The following FHIT variants were observed in gnomAD, a reference collection of about 807,000 sequenced individuals.
FHIT encodes bis(5'-adenosyl)-triphosphatase.
A neutral mutation model predicts 17.9 loss-of-function variants in FHIT; 19 were observed. That is an observed-to-expected ratio of 1.06 (90% CI 0.74 to 1.56). FHIT has a LOEUF of 1.56. Ranked by LOEUF, FHIT falls within the 40% of genes most tolerant of loss-of-function variation. The pLI is 0.00. For missense variants in FHIT, 248 were observed against 189.2 expected, an observed-to-expected ratio of 1.31 and a Z score of -1.82; for synonymous variants, 81 against 69.7, an observed-to-expected ratio of 1.16 and a Z score of -0.81.
At chr3:60,524,288 G>A (rs1214327582) in intron 5 of FHIT, among the ~76,000 whole-genome samples, 1 of 150,968 alleles carries the variant, frequency 6.6e-6, no homozygotes, top group East Asian at 1.9e-4. Context: ...ACACTACAAA[G>A]GAACGTCATG....
chr3:60,561,229 G>T (rs1319981030), intron 4 of FHIT, among the ~76,000 whole-genome samples: 1 of 151,984 alleles, frequency 6.6e-6, no homozygotes, highest in South Asian at 2.1e-4. Flanking sequence ...AGACGCTAAG[G>T]TAGGACTGAA....
At chr3:60,084,065 CTTTT>C (rs1049215467) in intron 5 of FHIT, among the ~76,000 whole-genome samples, 2 of 152,048 alleles carry the variant, frequency 1.3e-5, no homozygotes, top group African/African-American at 2.4e-5. Context: ...AGCAATATCA[CTTTT>C]TTTAACAAAA....
At chr3:60,906,748 T>C (rs1706447548) in intron 3 of FHIT, among the ~76,000 whole-genome samples, 1 of 152,226 alleles carries the variant, frequency 6.6e-6, no homozygotes, top group South Asian at 2.1e-4. Flanking sequence ...TGGAACTTCA[T>C]TGAGCTGTGT....
chr3:60,099,529 G>A (rs1003159220), intron 5 of FHIT, among the ~76,000 whole-genome samples: 3 of 152,060 alleles, frequency 2.0e-5, no homozygotes, highest in Non-Finnish European at 4.4e-5. Context: ...TGCCTCTAAT[G>A]GTCCTTCTAA....
At chr3:60,135,523 T>C (rs1335012738) in intron 5 of FHIT, among the ~76,000 whole-genome samples, 2 of 152,174 alleles carry the variant, frequency 1.3e-5, no homozygotes, top group East Asian at 3.9e-4. Context: ...TCCAGGCTTC[T>C]TTCCTCATCA....
intron 4 of FHIT, among the ~76,000 whole-genome samples, chr3:60,707,555 G>A (rs782521029): frequency 9.2e-5 from 14 of 152,148 alleles, no homozygotes; most frequent in Non-Finnish European, 1.8e-4. Flanking sequence ...GATGTCAGAT[G>A]TCAGTAATCA....
chr3:60,119,443 T>C (rs917494306), intron 5 of FHIT, among the ~76,000 whole-genome samples: 4 of 152,198 alleles, frequency 2.6e-5, no homozygotes, highest in Non-Finnish European at 5.9e-5. Context: ...ATCTTGTAAT[T>C]GATATGTTTA....
chr3:60,131,752 T>A (rs770997440), intron 5 of FHIT, among the ~76,000 whole-genome samples: 3 of 152,120 alleles, frequency 2.0e-5, no homozygotes, highest in Non-Finnish European at 2.9e-5. Context: ...CTTCCCCTAC[T>A]GCTGAGACAG....
intron 3 of FHIT, among the ~76,000 whole-genome samples, chr3:61,039,321 C>T (rs575507990): frequency 3.9e-5 from 6 of 152,276 alleles, no homozygotes; most frequent in African/African-American, 1.2e-4. Context: ...CAACATTTTA[C>T]AGAAAGGTTA....
At chr3:60,856,522 T>C (rs2106936886) in intron 3 of FHIT, 1 of 151,900 alleles carries the variant, frequency 6.6e-6, no homozygotes, top group African/African-American at 2.4e-5. Context: ...TTGCATATCT[T>C]CCTGTGGTTT....
chr3:60,480,639 C>T (rs568913941), intron 5 of FHIT, among the ~76,000 whole-genome samples: 7 of 152,180 alleles, frequency 4.6e-5, no homozygotes, highest in Non-Finnish European at 1.0e-4. Context: ...CATGCAAATC[C>T]GAAACCCAGT....
chr3:60,583,138 G>C (rs1553660317), intron 4 of FHIT, among the ~76,000 whole-genome samples: 1 of 151,866 alleles, frequency 6.6e-6, no homozygotes. Context: ...AAACTGAAAG[G>C]AGGTGATTCG....
chr3:59,756,164 AG>A (rs1272890294), intron 8 of FHIT, among the ~76,000 whole-genome samples: 1 of 152,190 alleles, frequency 6.6e-6, no homozygotes, highest in Non-Finnish European at 1.5e-5. Flanking sequence ...TAGGAGTAAA[AG>A]TATTTTTCAT....
rs139642810 is a variant in FHIT at position 61,145,907 on chromosome 3, A to T, written c.-164+54710T>A. Among the ~76,000 whole-genome samples, 520 of 152,054 alleles carry T rather than the reference A, an allele frequency of 3.4e-3. 3 individuals are homozygous for T. Among genetic ancestry groups the T allele is most frequent in the African/African-American group, 0.012 (502 of 41,522 alleles). On this transcript the variant is annotated intron_variant, in intron 2 of 9. Coordinates refer to ENST00000492590, the MANE Select transcript of FHIT (RefSeq NM_002012.4). The stretch of plus-strand genomic sequence containing the variant: ...CGTTTAGTAGTTCCAATAGTTTTTT[A>T]GTGAATTTGCCAGTGCACTTTTAAC...
At chr3:60,860,518 ATG>A (rs1703689060) in intron 3 of FHIT, among the ~76,000 whole-genome samples, 1 of 116,186 alleles carries the variant, frequency 8.6e-6, no homozygotes, top group Non-Finnish European at 1.7e-5. Flanking sequence ...TATGATACAT[ATG>A]TATCATATAT....
intron 8 of FHIT, among the ~76,000 whole-genome samples, 194 bp downstream of exon 8, chr3:59,922,149 AATC>A (rs1313472534): frequency 6.6e-6 from 1 of 152,186 alleles, no homozygotes; most frequent in East Asian, 1.9e-4. Flanking sequence ...TGAAAAAGAA[AATC>A]ATTATAATTA....
chr3:59,840,773 G>C (rs1008563296), intron 8 of FHIT, among the ~76,000 whole-genome samples: 15 of 152,102 alleles, frequency 9.9e-5, no homozygotes, highest in African/African-American at 3.1e-4. Flanking sequence ...AGACTACTTA[G>C]GTTTATATCC....
At chr3:60,164,404 C>A (rs923192909) in intron 5 of FHIT, among the ~76,000 whole-genome samples, 5 of 152,110 alleles carry the variant, frequency 3.3e-5, no homozygotes, top group Non-Finnish European at 7.4e-5. Context: ...CAAATCACAC[C>A]CATCTAAAAA....
intron 8 of FHIT, among the ~76,000 whole-genome samples, chr3:59,761,634 TC>T (rs960071206): frequency 2.7e-5 from 4 of 150,466 alleles, no homozygotes; most frequent in Non-Finnish European, 5.9e-5. Context: ...CGAGATGGAG[TC>T]TTGCTCTGTT....
Sources: gnomAD v4.1 joint callset for allele counts (sites outside exome capture counted in the v4.1 genomes callset) on GRCh38, gnomAD v4.1.1 for gene constraint, MANE v1.5 for transcripts, NCBI Gene and HGNC (gene_info 2026-07-23, HGNC 2026-07-21) for gene names.